Variants in CEP120 observed in about 807,000 individuals in gnomAD.
CEP120 encodes the protein centrosomal protein 120, also known as centrosomal protein of 120 kDa.
In CEP120, 113 loss-of-function variants were observed where a neutral mutation model predicts 126.5. The observed-to-expected ratio is 0.89, with a 90% CI of 0.77 to 1.04. The LOEUF (loss-of-function observed/expected upper bound fraction) is 1.04, where lower values mean the gene tolerates loss of function less well. Ranked by LOEUF, CEP120 falls within the 50% of genes least tolerant of loss-of-function variation. The pLI, the probability that CEP120 is intolerant of heterozygous loss-of-function variation, is 0.00. For missense variants in CEP120, 1,230 were observed against 1,155.7 expected, an observed-to-expected ratio of 1.06 and a Z score of -0.93; for synonymous variants, 400 against 394.3, an observed-to-expected ratio of 1.01 and a Z score of -0.17.
rs1388894410 is a variant in CEP120 at position 123,382,092 on chromosome 5, C to T, written c.2103+19G>A. ...TTAATATTCTTCCTTCTCTTCCTCACTTTTACACAAGTTATTACCTTTTTC... is the reference window on the plus strand; with the variant it reads ...TTAATATTCTTCCTTCTCTTCCTCATTTTTACACAAGTTATTACCTTTTTC... On this transcript the variant is annotated intron_variant, in intron 14 of 19. Coordinates refer to ENST00000306467, the MANE Select transcript of CEP120 (RefSeq NM_001375405.1). 1.3e-6 allele frequency: 2 copies of T among 1,506,952 alleles called. No homozygotes were observed. Among genetic ancestry groups the T allele is most frequent in the East Asian group, 2.3e-5 (1 of 43,876 alleles). The allele number at this position is 1,506,952 out of a possible 1,614,324, so 93.3% of individuals were successfully genotyped here.
intron 18 of CEP120, among the ~76,000 whole-genome samples, chr5:123,353,440 A>C (rs1278165323): frequency 6.6e-6 from 1 of 151,668 alleles, no homozygotes; most frequent in African/African-American, 2.4e-5. Flanking sequence ...TGTATCTTTA[A>C]TGTTTTAAAA....
chr5:123,360,001 A>G (rs549064804), intron 18 of CEP120, among the ~76,000 whole-genome samples: 7 of 151,898 alleles, frequency 4.6e-5, no homozygotes, highest in African/African-American at 1.7e-4. Flanking sequence ...GTACTACACA[A>G]ATGTTTTGTA....
chr5:123,356,904 T>C (rs893531154), intron 18 of CEP120, among the ~76,000 whole-genome samples: 1 of 152,124 alleles, frequency 6.6e-6, no homozygotes, highest in East Asian at 1.9e-4. Context: ...TCTTTACTTT[T>C]CTGCATTTCA....
Position 123,393,565 on chromosome 5 carries a change from T to A in CEP120, c.613-68A>T, listed in dbSNP as rs1450714670. 3 of 1,263,060 alleles carry A rather than the reference T, an allele frequency of 2.4e-6. No individual in the cohort carries two copies. The East Asian group carries it at 7.0e-5, about 30-fold the overall frequency. The allele number at this position is 1,263,060 out of a possible 1,614,324, so 78.2% of individuals were successfully genotyped here. Reference sequence around the variant, plus strand: ...CTACTGAACATGCTTAGTGTATCTATTACATTCCAAAAACATTTGCTAAAA... The same window carrying A: ...CTACTGAACATGCTTAGTGTATCTAATACATTCCAAAAACATTTGCTAAAA... On this transcript the variant is annotated intron_variant, in intron 5 of 19. Transcript: ENST00000306467.
chr5:123,366,879 G>A (rs1224248540), intron 17 of CEP120, among the ~76,000 whole-genome samples: 1 of 151,664 alleles, frequency 6.6e-6, no homozygotes, highest in Non-Finnish European at 1.5e-5. Context: ...TTCCTCAACA[G>A]GAAACCTACT....
chr5:123,354,736 A>G (rs540398715), intron 18 of CEP120, among the ~76,000 whole-genome samples: 23 of 151,604 alleles, frequency 1.5e-4, no homozygotes, highest in African/African-American at 5.6e-4. Flanking sequence ...GTATTATTGT[A>G]GTATATATTT....
intron 16 of CEP120, among the ~76,000 whole-genome samples, chr5:123,376,879 A>G (rs541132627): frequency 7.9e-5 from 12 of 152,258 alleles, no homozygotes; most frequent in African/African-American, 2.6e-4. Context: ...GTAACGGCTA[A>G]AGGAAGACAA....
chr5:123,361,811 T>G (rs1021712398), intron 18 of CEP120, among the ~76,000 whole-genome samples: 1 of 151,822 alleles, frequency 6.6e-6, no homozygotes, highest in Non-Finnish European at 1.5e-5. Context: ...GAGCACATAC[T>G]ATGTATCAAA....
intron 5 of CEP120, among the ~76,000 whole-genome samples, chr5:123,394,781 C>T (rs1022341793): frequency 1.1e-4 from 16 of 152,346 alleles, no homozygotes; most frequent in African/African-American, 3.8e-4. Flanking sequence ...GACTTACACA[C>T]ATTGAGAGGA....
At chr5:123,390,538 A>G (rs1772324041) in intron 7 of CEP120, among the ~76,000 whole-genome samples, 1 of 152,212 alleles carries the variant, frequency 6.6e-6, no homozygotes, top group Admixed American at 6.5e-5. Flanking sequence ...AAATATATGT[A>G]TATGTATCTT....
chr5:123,355,399 C>T (rs1237428099), intron 18 of CEP120, among the ~76,000 whole-genome samples: 2 of 152,198 alleles, frequency 1.3e-5, no homozygotes, highest in Non-Finnish European at 2.9e-5. Flanking sequence ...TACAGTCCCA[C>T]CAACAGTGTA....
At chr5:123,415,966 G>T in intron 3 of CEP120, 44 bp downstream of exon 3, 5 of 1,240,608 alleles carry the variant, frequency 4.0e-6, no homozygotes, top group South Asian at 2.5e-5. Context: ...GAAAATAATC[G>T]ACTGTCTAAC....
chr5:123,391,023 AAGG>A, intron 7 of CEP120, 84 bp downstream of exon 7: 1 of 872,622 alleles, frequency 1.1e-6, no homozygotes, highest in Non-Finnish European at 1.8e-6. Flanking sequence ...TATCCTTATG[AAGG>A]TAACTCTTCT....
chr5:123,412,359 G>A (rs768300748), intron 4 of CEP120, 40 bp downstream of exon 4: 1 of 1,566,850 alleles, frequency 6.4e-7, no homozygotes, highest in Admixed American at 1.9e-5. Flanking sequence ...GTCCAAAGAT[G>A]GAACTTCTCA....
At chr5:123,392,673 A>C (rs1772484014) in intron 6 of CEP120, among the ~76,000 whole-genome samples, 1 of 152,068 alleles carries the variant, frequency 6.6e-6, no homozygotes, top group African/African-American at 2.4e-5. Flanking sequence ...ACTATGTCTA[A>C]GTAATTTTTT....
upstream of CEP120, chr5:123,423,719 C>T (rs4240369): frequency 6.6e-6 from 1 of 152,102 alleles, no homozygotes; most frequent in Non-Finnish European, 1.5e-5. Context: ...GCTTAGTTGA[C>T]GTACCCAGTG....
intron 17 of CEP120, among the ~76,000 whole-genome samples, chr5:123,370,712 T>C (rs1770795749): frequency 6.7e-6 from 1 of 148,598 alleles, no homozygotes; most frequent in Admixed American, 6.8e-5. Context: ...TATATACCTA[T>C]ATACATACAT....
At chr5:123,365,431 T>C (rs545451712) in intron 17 of CEP120, among the ~76,000 whole-genome samples, 1 of 151,838 alleles carries the variant, frequency 6.6e-6, no homozygotes, top group African/African-American at 2.4e-5. Flanking sequence ...TGAATTACAG[T>C]AATACACTGT....
In CEP120 at chr5:123,346,622, T is replaced by C; in HGVS notation, c.2858A>G (p.Asp953Gly). 1 of 1,613,972 alleles carries C rather than the reference T, an allele frequency of 6.2e-7. No individual in the cohort carries two copies. Among genetic ancestry groups the C allele is most frequent in the South Asian group, 1.1e-5 (1 of 91,072 alleles). ...ATACACACCCGTTCTCATCAAAGTATCCCTTTCTTCTATCAGGCGAGTCAA... is the reference window on the plus strand; with the variant it reads ...ATACACACCCGTTCTCATCAAAGTACCCCTTTCTTCTATCAGGCGAGTCAA... ...DYLTRLIEER[D>G]TLMRTGVYNH... is the part of the protein sequence containing the mutation. The change falls in exon 20 of 20, where the codon GAT becomes GGT. Residue 953 changes from aspartate (D) to glycine (G), a missense_variant. Transcript: ENST00000306467.
Sources: gnomAD v4.1 joint callset for allele counts (sites outside exome capture counted in the v4.1 genomes callset) on GRCh38, gnomAD v4.1.1 for gene constraint, MANE v1.5 for transcripts, NCBI Gene and HGNC (gene_info 2026-07-23, HGNC 2026-07-21) for gene names.